PBX3: variants seen among roughly 807,000 people sequenced by gnomAD.
PBX3 encodes pre-B-cell leukemia transcription factor 3.
PBX3 carries 14 observed loss-of-function variants against 48.5 expected under a neutral mutation model. The ratio of observed to expected loss-of-function variants is 0.29; its 90% CI spans 0.19 to 0.45. The LOEUF is 0.45. Among genes scored for constraint, PBX3 ranks in the 20% least tolerant of loss-of-function variants. The pLI is 1.00. For synonymous variants in PBX3, 210 were observed against 200.3 expected, an observed-to-expected ratio of 1.05 and a Z score of -0.41; for missense variants, 386 against 546.7, an observed-to-expected ratio of 0.71 and a Z score of 2.93.
At chr9:125,927,344 T>G (rs1841600347) in intron 3 of PBX3, among the ~76,000 whole-genome samples, 2 of 152,182 alleles carry the variant, frequency 1.3e-5, no homozygotes, top group Non-Finnish European at 2.9e-5. Context: ...TTGAAAAAAC[T>G]TTACATGATA....
intron 4 of PBX3, among the ~76,000 whole-genome samples, chr9:125,930,724 G>C (rs966638978): frequency 9.9e-5 from 15 of 152,074 alleles, no homozygotes; most frequent in Non-Finnish European, 2.1e-4. Context: ...CTCAGTTCCT[G>C]CCCATCCTTT....
intron 2 of PBX3, among the ~76,000 whole-genome samples, chr9:125,789,126 C>T (rs1588147179): frequency 6.6e-6 from 1 of 152,200 alleles, no homozygotes; most frequent in South Asian, 2.1e-4. Flanking sequence ...CCTGCTGTAT[C>T]GTATTCTATT....
chr9:125,884,028 C>T (rs1486894266), intron 2 of PBX3, among the ~76,000 whole-genome samples: 1 of 152,072 alleles, frequency 6.6e-6, no homozygotes, highest in Non-Finnish European at 1.5e-5. Context: ...TTGCGATGAG[C>T]TTATGTGTGA....
At chr9:125,960,873 CA>C (rs1842415123) in intron 6 of PBX3, 24 bp downstream of exon 6, 1 of 1,606,726 alleles carries the variant, frequency 6.2e-7, no homozygotes, top group East Asian at 2.2e-5. Flanking sequence ...GCTCGCTCCC[CA>C]ACTGGCCCAG....
intron 2 of PBX3, among the ~76,000 whole-genome samples, chr9:125,874,673 ATTAAC>A (rs1840207140): frequency 6.6e-6 from 1 of 152,188 alleles, no homozygotes; most frequent in Admixed American, 6.5e-5. Context: ...ATGAATCTGT[ATTAAC>A]TTAAAATTCT....
chr9:125,886,581 T>G (rs1840507711), intron 2 of PBX3, among the ~76,000 whole-genome samples: 1 of 152,150 alleles, frequency 6.6e-6, no homozygotes, highest in South Asian at 2.1e-4. Flanking sequence ...TGTAATTTAC[T>G]GAGAGCCTTT....
intron 2 of PBX3, among the ~76,000 whole-genome samples, chr9:125,826,453 C>CT (rs2132175290): frequency 6.6e-6 from 1 of 152,108 alleles, no homozygotes; most frequent in South Asian, 2.1e-4. Flanking sequence ...AATGAAGGGT[C>CT]ATTGGTGATT....
chr9:125,899,274 CATATGTATATATATTTATAT>C (rs1840859791), intron 2 of PBX3, among the ~76,000 whole-genome samples: 2 of 104,512 alleles, frequency 1.9e-5, no homozygotes, highest in African/African-American at 3.7e-5. Flanking sequence ...TATAAATATA[CATATGTATATATATTTATAT>C]ATAAATATAC....
At chr9:125,829,028 G>C (rs1208173535) in intron 2 of PBX3, among the ~76,000 whole-genome samples, 1 of 152,140 alleles carries the variant, frequency 6.6e-6, no homozygotes, top group Admixed American at 6.5e-5. Context: ...GTCTGGTATT[G>C]AAAGAAGAGG....
intron 8 of PBX3, among the ~76,000 whole-genome samples, chr9:125,964,445 C>A (rs1055422030): frequency 6.6e-6 from 1 of 151,444 alleles, no homozygotes; most frequent in African/African-American, 2.4e-5. Context: ...GAGAGTCCAC[C>A]GAACACACAT....
At chr9:125,780,098 T>C (rs1588138379) in intron 2 of PBX3, among the ~76,000 whole-genome samples, 6 of 134,106 alleles carry the variant, frequency 4.5e-5, no homozygotes, top group African/African-American at 5.7e-5. Flanking sequence ...ACGGGGCGGC[T>C]GGCTGGGCAG....
intron 4 of PBX3, among the ~76,000 whole-genome samples, chr9:125,934,323 C>G (rs991464912): frequency 4.6e-5 from 7 of 152,150 alleles, no homozygotes; most frequent in Non-Finnish European, 1.0e-4. Flanking sequence ...CAACAGCCTA[C>G]TGACTCTGTG....
At chr9:125,750,329 T>C (rs1276895332) in intron 2 of PBX3, among the ~76,000 whole-genome samples, 2 of 152,244 alleles carry the variant, frequency 1.3e-5, no homozygotes, top group Non-Finnish European at 2.9e-5. Context: ...TTATTTATTT[T>C]TGCCTTTTTA....
intron 3 of PBX3, among the ~76,000 whole-genome samples, chr9:125,928,879 C>A (rs1358040751): frequency 6.6e-6 from 1 of 152,142 alleles, no homozygotes; most frequent in Non-Finnish European, 1.5e-5. Flanking sequence ...TAAAGGCCTG[C>A]ACTACAGCTA....
intron 2 of PBX3, among the ~76,000 whole-genome samples, chr9:125,823,325 T>C (rs1212565442): frequency 7.1e-6 from 1 of 141,762 alleles, no homozygotes; most frequent in African/African-American, 3.2e-5. Flanking sequence ...TGATGTGCTA[T>C]TTAACTTTTA....
chr9:125,769,028 A>C (rs1238436050), intron 2 of PBX3, among the ~76,000 whole-genome samples: 1 of 152,030 alleles, frequency 6.6e-6, no homozygotes, highest in Non-Finnish European at 1.5e-5. Flanking sequence ...TGCTTTCCTC[A>C]CACTTGGCAT....
At chr9:125,937,480 A>G (rs1259742225) in intron 5 of PBX3, among the ~76,000 whole-genome samples, 1 of 152,160 alleles carries the variant, frequency 6.6e-6, no homozygotes, top group African/African-American at 2.4e-5. Flanking sequence ...TAGAAATAAT[A>G]TAGATATAGC....
Position 125,747,384 on chromosome 9 carries a change from TCGC to T in PBX3, c.-50_-48del, listed in dbSNP as rs756293477. 1.3e-3 allele frequency: 765 copies of T among 593,328 alleles called. No individual in the cohort carries two copies. Among genetic ancestry groups the T allele is most frequent in the Middle Eastern group, 1.5e-3 (2 of 1,366 alleles). 36.8% of individuals were successfully genotyped at this position (593,328 alleles called of 1,614,324 possible). A position where few individuals can be genotyped will look rare whatever the true frequency, so the allele number is the denominator to read the frequency against. ...TCCCCCTCTTTCTTCTCCTCCCTCG[TCGC>T]CGCCGCCGCCGCCGCCGCCTCAGCC... On this transcript the variant is annotated 5_prime_UTR_variant, in exon 1 of 9. Coordinates refer to ENST00000373489, the MANE Select transcript of PBX3 (RefSeq NM_006195.6).
At chr9:125,932,162 C>T (rs10819086) in intron 4 of PBX3, among the ~76,000 whole-genome samples, 10,696 of 152,190 alleles carry the variant, frequency 0.07, 867 homozygotes, top group African/African-American at 0.18. Flanking sequence ...AATGAGTCAT[C>T]ATCTGTGAGG....
Sources: gnomAD v4.1 joint callset for allele counts (sites outside exome capture counted in the v4.1 genomes callset) on GRCh38, gnomAD v4.1.1 for gene constraint, MANE v1.5 for transcripts, NCBI Gene and HGNC (gene_info 2026-07-23, HGNC 2026-07-21) for gene names.